Variants in SIAH2 observed in about 807,000 individuals in gnomAD.
SIAH2 encodes the protein siah E3 ubiquitin protein ligase 2.
SIAH2 carries 4 observed loss-of-function variants against 20.4 expected under a neutral mutation model. The observed-to-expected ratio is 0.20, with a 90% confidence interval of 0.10 to 0.45. The LOEUF (loss-of-function observed/expected upper bound fraction) is 0.45. Ranked by LOEUF, SIAH2 falls within the 20% of genes least tolerant of loss-of-function variation. SIAH2 has a pLI of 0.99. For synonymous variants in SIAH2, 171 were observed against 192.5 expected (o/e 0.89, Z 0.93); for missense variants, 259 against 440.3 (o/e 0.59, Z 3.69).
intron 1 of SIAH2, among the ~76,000 whole-genome samples, chr3:150,752,538 G>A (rs1714394246): frequency 1.3e-5 from 2 of 152,036 alleles, no homozygotes; most frequent in Admixed American, 6.5e-5. Flanking sequence ...GAACCCGGGC[G>A]GCAGAGGTTG....
intron 1 of SIAH2, among the ~76,000 whole-genome samples, chr3:150,761,155 G>A (rs1714601483): frequency 6.6e-6 from 1 of 152,178 alleles, no homozygotes; most frequent in South Asian, 2.1e-4. Context: ...AAAATAAGCA[G>A]CACCAAGGAG....
At chr3:150,750,899 G>C (rs1330129873) in intron 1 of SIAH2, among the ~76,000 whole-genome samples, 1 of 152,178 alleles carries the variant, frequency 6.6e-6, no homozygotes, top group Non-Finnish European at 1.5e-5. Context: ...AATCACCTAT[G>C]AGTGGGTCTA....
rs1414463426 is a variant in SIAH2, at chr3:150,763,037, C to T, written c.-188G>A. 2.9e-5 allele frequency: 15 copies of T among 516,636 alleles called. No homozygotes were observed. The highest frequency in any genetic ancestry group is 3.9e-5 in the Non-Finnish European group (15 of 388,012). The allele number at this position is 516,636 out of a possible 1,614,324, so 32.0% of individuals were successfully genotyped here. On this transcript the variant is annotated 5_prime_UTR_variant, in exon 1 of 2. Transcript: ENST00000312960. The surrounding 1 kb of genome is among the most constrained non-coding windows in gnomAD (Gnocchi z 4.1). Reference sequence around the variant, plus strand: ...GGACCGCGCTGATGCACTCCGCAGCCCCCGGCGTTCCGAGCACGCCTCCGC... The same window carrying T: ...GGACCGCGCTGATGCACTCCGCAGCTCCCGGCGTTCCGAGCACGCCTCCGC...
chr3:150,756,469 T>G (rs1036999298), intron 1 of SIAH2, among the ~76,000 whole-genome samples: 1 of 152,244 alleles, frequency 6.6e-6, no homozygotes, highest in Admixed American at 6.5e-5. Flanking sequence ...ACTATATTCA[T>G]GTATACAGTA....
chr3:150,743,344 G>A (rs753843376), intron 1 of SIAH2, among the ~76,000 whole-genome samples: 2 of 152,174 alleles, frequency 1.3e-5, no homozygotes, highest in Non-Finnish European at 2.9e-5. Flanking sequence ...CCCTCTGGGG[G>A]GCTTTGCCCA....
intron 1 of SIAH2, among the ~76,000 whole-genome samples, chr3:150,748,599 G>C (rs750815285): frequency 6.6e-6 from 1 of 152,186 alleles, no homozygotes; most frequent in African/African-American, 2.4e-5. Context: ...TGCCTAGACC[G>C]GCTTACGTCC....
chr3:150,745,503 T>TA, intron 1 of SIAH2, among the ~76,000 whole-genome samples: 1 of 148,174 alleles, frequency 6.7e-6, no homozygotes, highest in East Asian at 2.0e-4. Context: ...TTTCTTTTCT[T>TA]TTTTTTTTTT....
chr3:150,742,224 C>T lies in SIAH2; in HGVS notation c.892G>A (p.Val298Ile), dbSNP rs1463101559. The change falls in exon 2 of 2, where the codon GTT becomes ATT. Residue 298 changes from valine to isoleucine, a missense_variant. By Grantham distance (29) the Val-to-Ile change is conservative. Around this residue, in one of 2 missense-constraint regions of SIAH2, gnomAD observed 160 missense variants for 327.6 expected, o/e 0.49. Coordinates refer to ENST00000312960, the MANE Select transcript of SIAH2 (RefSeq NM_005067.7). This position sits in a 1 kb window ranked among gnomAD's most constrained non-coding sequence, Gnocchi z 4.8. Reference protein sequence around the residue: ...AAAIMNSDCLVFDTAIAHLFA... With the variant: ...AAAIMNSDCLIFDTAIAHLFA... ...AGATGTGCTATGGCTGTGTCGAAAA[C>T]AAGGCAGTCGCTGTTCATGATGGCC... 1 of 1,614,150 alleles carries T rather than the reference C, an allele frequency of 6.2e-7. No homozygotes were observed. Among genetic ancestry groups the T allele is most frequent in the Non-Finnish European group, 8.5e-7 (1 of 1,180,038 alleles).
chr3:150,754,628 G>A (rs531419149), intron 1 of SIAH2, among the ~76,000 whole-genome samples: 2 of 152,266 alleles, frequency 1.3e-5, no homozygotes, highest in Admixed American at 1.3e-4. Flanking sequence ...TTGCAAGGAT[G>A]TATGCAAAAT....
At chr3:150,743,098 A>T (rs1252681378) in intron 1 of SIAH2, among the ~76,000 whole-genome samples, 1 of 152,242 alleles carries the variant, frequency 6.6e-6, no homozygotes, top group Non-Finnish European at 1.5e-5. Context: ...TGGGCAAGGA[A>T]TATTATATTA....
At chr3:150,755,382 G>A (rs1416671560) in intron 1 of SIAH2, among the ~76,000 whole-genome samples, 2 of 143,292 alleles carry the variant, frequency 1.4e-5, no homozygotes, top group Admixed American at 7.1e-5. Flanking sequence ...CCAGGCTGGA[G>A]GGTATTGGCA....
intron 1 of SIAH2, among the ~76,000 whole-genome samples, chr3:150,753,191 C>T (rs1174046428): frequency 6.6e-6 from 1 of 152,164 alleles, no homozygotes; most frequent in Non-Finnish European, 1.5e-5. Context: ...TCTGTCTCCA[C>T]CAGTAGACTT....
chr3:150,746,398 AAAAC>A (rs532802162), intron 1 of SIAH2, among the ~76,000 whole-genome samples: 108 of 152,228 alleles, frequency 7.1e-4, no homozygotes, highest in East Asian at 1.9e-3. Flanking sequence ...TCTGTCTCAA[AAAAC>A]AAACAAACAA....
At chr3:150,756,690 T>C (rs73010941) in intron 1 of SIAH2, among the ~76,000 whole-genome samples, 28,124 of 152,152 alleles carry the variant, frequency 0.18, 5,740 homozygotes, top group African/African-American at 0.49. Flanking sequence ...TGTGTGGAAT[T>C]ACCATTAAGC....
rs1345676021 is a variant in SIAH2 at position 150,762,536 on chromosome 3, C to A, written c.314G>T (p.Arg105Leu). 5.0e-6 allele frequency: 8 copies of A among 1,613,456 alleles called. No individual in the cohort carries two copies. In the South Asian group the frequency reaches 8.8e-5, roughly 18 times the overall value. Reference sequence around the variant, plus strand: ...CGTCGGGCAGCAGCTCAACTTCTGGCGGCATTGGTTACACACCAGGTGCCC... The same window carrying A: ...CGTCGGGCAGCAGCTCAACTTCTGGAGGCATTGGTTACACACCAGGTGCCC... ...QAGHLVCNQC[R>L]QKLSCCPTCR... The change falls in exon 1 of 2, where the codon CGC becomes CTC. Residue 105 changes from arginine to leucine, a missense_variant. Physicochemically the swap from Arg to Leu is moderately radical, Grantham distance 102. Around this residue, in one of 2 missense-constraint regions of SIAH2, gnomAD observed 160 missense variants for 327.6 expected, o/e 0.49. Transcript: ENST00000312960. The surrounding 1 kb of genome is among the most constrained non-coding windows in gnomAD (Gnocchi z 6.6).
At chr3:150,757,218 G>C (rs1714502001) in intron 1 of SIAH2, among the ~76,000 whole-genome samples, 1 of 152,072 alleles carries the variant, frequency 6.6e-6, no homozygotes. Context: ...CAGGTCTTCT[G>C]TTTCCTGGCT....
chr3:150,743,063 A>G (rs570756255), intron 1 of SIAH2, among the ~76,000 whole-genome samples: 1 of 152,310 alleles, frequency 6.6e-6, no homozygotes, highest in South Asian at 2.1e-4. Flanking sequence ...AAAGAATTCA[A>G]TTGCTTGGGT....
chr3:150,762,882 C>G lies in SIAH2; in HGVS notation c.-33G>C. 8.5e-7 allele frequency: 1 copy of G among 1,171,404 alleles called. No individual in the cohort carries two copies. The highest frequency in any genetic ancestry group is 1.1e-6 in the Non-Finnish European group (1 of 938,576). The allele number at this position is 1,171,404 out of a possible 1,614,324, so 72.6% of individuals were successfully genotyped here. ...CGAACCAACCATGGAACTGCGGGCG[C>G]CTGCCTGCCGCGGGGCCGCCCGGGT... On this transcript the variant is annotated 5_prime_UTR_variant, in exon 1 of 2. Coordinates refer to ENST00000312960, the MANE Select transcript of SIAH2 (RefSeq NM_005067.7). This position sits in a 1 kb window ranked among gnomAD's most constrained non-coding sequence, Gnocchi z 6.6.
intron 1 of SIAH2, among the ~76,000 whole-genome samples, chr3:150,744,175 G>C (rs930968846): frequency 2.0e-5 from 3 of 152,056 alleles, no homozygotes; most frequent in African/African-American, 7.2e-5. Flanking sequence ...CTCCATACAA[G>C]ACGCTAAGTT....
Sources: allele counts gnomAD v4.1 joint callset (sites outside exome capture counted in the v4.1 genomes callset), GRCh38; gene constraint gnomAD v4.1.1; regional missense constraint gnomAD v4.1.1; non-coding constraint Gnocchi (gnomAD v3.1); transcripts MANE v1.5; gene names NCBI Gene and HGNC (gene_info 2026-07-23, HGNC 2026-07-21).